OR51B5: variants seen among roughly 807,000 people sequenced by gnomAD.
The protein encoded by OR51B5 is olfactory receptor family 51 subfamily B member 5.
For synonymous variants in OR51B5, 186 were observed against 144.8 expected (o/e 1.28, Z -2.04); for missense variants, 456 against 374.6 (o/e 1.22, Z -1.79).
At chr11:5,478,289 C>T (rs1017972186) in intron 1 of OR51B5, among the ~76,000 whole-genome samples, 8 of 151,952 alleles carry the variant, frequency 5.3e-5, no homozygotes, top group African/African-American at 1.9e-4. Context: ...AACAGACTTG[C>T]AGCTGAGGGT....
chr11:5,343,690 C>CTCATACTATTTGTATTCTT (rs1239387493), upstream of OR51B5: 1 of 523,716 alleles, frequency 1.9e-6, no homozygotes, highest in Non-Finnish European at 3.3e-6. Context: ...CTCAGGGTTA[C>CTCATACTATTTGTATTCTT]TCATACTATT....
intron 1 of OR51B5, among the ~76,000 whole-genome samples, chr11:5,354,248 A>C (rs1260233528): frequency 6.6e-6 from 1 of 152,186 alleles, no homozygotes; most frequent in Non-Finnish European, 1.5e-5. Flanking sequence ...GCTTTTGGGA[A>C]TGAATTCAGG....
chr11:5,423,029 A>C, intron 1 of OR51B5: 1 of 1,614,060 alleles, frequency 6.2e-7, no homozygotes, highest in South Asian at 1.1e-5. Flanking sequence ...GGTCCATGTT[A>C]TCATGGCCAA....
intron 1 of OR51B5, among the ~76,000 whole-genome samples, chr11:5,404,183 G>T (rs1260933008): frequency 1.4e-5 from 2 of 138,194 alleles, no homozygotes; most frequent in African/African-American, 5.2e-5. Flanking sequence ...GAGGGCGGGG[G>T]GCGGAACTTG....
downstream of OR51B5, chr11:5,340,799 AT>A (rs1848881659): frequency 1.3e-5 from 2 of 152,156 alleles, no homozygotes; most frequent in South Asian, 4.1e-4. Context: ...ACTTTTTTAT[AT>A]TAAATTTCCC....
chr11:5,390,543 C>G, intron 1 of OR51B5: 2 of 604,022 alleles, frequency 3.3e-6, no homozygotes, highest in African/African-American at 1.8e-5. Flanking sequence ...AAAAACTGAA[C>G]TTCTCTTGCT....
intron 1 of OR51B5, chr11:5,505,524 C>T: frequency 8.3e-7 from 1 of 1,211,018 alleles, no homozygotes; most frequent in Non-Finnish European, 1.1e-6. Context: ...GAAGATATAC[C>T]CGAGACTGGG....
chr11:5,425,126 C>T (rs1048696941), intron 1 of OR51B5, among the ~76,000 whole-genome samples: 17 of 151,548 alleles, frequency 1.1e-4, no homozygotes, highest in Non-Finnish European at 2.5e-4. Flanking sequence ...GGTCTGCTGG[C>T]GTAAATTGCA....
intron 1 of OR51B5, among the ~76,000 whole-genome samples, chr11:5,360,384 GA>G (rs1480936620): frequency 6.6e-6 from 1 of 151,856 alleles, no homozygotes; most frequent in Non-Finnish European, 1.5e-5. Context: ...ACAGACACAT[GA>G]AAAAATGCTC....
intron 1 of OR51B5, among the ~76,000 whole-genome samples, chr11:5,419,904 A>C (rs2133758506): frequency 6.6e-6 from 1 of 151,884 alleles, no homozygotes; most frequent in South Asian, 2.1e-4. Flanking sequence ...CTATTGTAAT[A>C]TGATTACAAT....
intron 1 of OR51B5, chr11:5,422,574 A>G (rs1850361245): frequency 6.2e-7 from 1 of 1,614,090 alleles, no homozygotes; most frequent in Non-Finnish European, 8.5e-7. Context: ...GTTGACTGCT[A>G]TGTGGCCATC....
chr11:5,491,861 T>A (rs1380084944), intron 1 of OR51B5, among the ~76,000 whole-genome samples: 1 of 152,176 alleles, frequency 6.6e-6, no homozygotes, highest in East Asian at 1.9e-4. Context: ...TAGATAGATG[T>A]CACCAGCCCT....
chr11:5,351,357 A>C, intron 1 of OR51B5: 1 of 623,748 alleles, frequency 1.6e-6, no homozygotes, highest in Non-Finnish European at 2.8e-6. Flanking sequence ...AGGATCTCCC[A>C]GGAATGACTA....
At chr11:5,390,460 C>T (rs1413212201) in intron 1 of OR51B5, 34 of 1,224,392 alleles carry the variant, frequency 2.8e-5, no homozygotes, top group Non-Finnish European at 3.5e-5. Flanking sequence ...GAGTATATAG[C>T]ATGCTCTTAA....
chr11:5,450,886 A>G (rs1441996384), intron 1 of OR51B5, among the ~76,000 whole-genome samples: 1 of 152,126 alleles, frequency 6.6e-6, no homozygotes, highest in East Asian at 1.9e-4. Flanking sequence ...ATGTCCCTGC[A>G]AAGGACATGA....
At chr11:5,374,312 C>T (rs1589960537) in intron 1 of OR51B5, among the ~76,000 whole-genome samples, 1 of 152,056 alleles carries the variant, frequency 6.6e-6, no homozygotes, top group Non-Finnish European at 1.5e-5. Flanking sequence ...AAAGGACATC[C>T]ACACCAAAAA....
At chr11:5,487,862 T>G (rs559156207) in intron 1 of OR51B5, among the ~76,000 whole-genome samples, 1 of 152,308 alleles carries the variant, frequency 6.6e-6, no homozygotes, top group African/African-American at 2.4e-5. Context: ...TCACACTTCC[T>G]TCTGGTATAC....
At chr11:5,344,083 CAGATTG>C (rs1848950884), upstream of OR51B5, among the ~76,000 whole-genome samples, 5 of 152,166 alleles carry the variant, frequency 3.3e-5, no homozygotes, top group South Asian at 1.0e-3. Flanking sequence ...AAGGAGCAGT[CAGATTG>C]AGAAAGAGAC....
upstream of OR51B5, chr11:5,346,851 G>A (rs1453963679): frequency 6.6e-6 from 1 of 152,114 alleles, no homozygotes; most frequent in Non-Finnish European, 1.5e-5. Context: ...TGATGGTGAG[G>A]AAGAGCAGGG....
Sources: allele counts gnomAD v4.1 joint callset (sites outside exome capture counted in the v4.1 genomes callset), GRCh38; gene constraint gnomAD v4.1.1; transcripts MANE v1.5; gene names NCBI Gene and HGNC (gene_info 2026-07-23, HGNC 2026-07-21).